The following LRRN3 variants were observed in gnomAD, a reference collection of about 807,000 sequenced individuals.
LRRN3 encodes the protein leucine-rich repeat neuronal protein 3.
A neutral mutation model predicts 40.1 loss-of-function variants in LRRN3; 15 were observed. The ratio of observed to expected loss-of-function variants is 0.37; its 90% CI spans 0.25 to 0.58. The LOEUF (loss-of-function observed/expected upper bound fraction) is 0.58, where lower values mean the gene tolerates loss of function less well. LRRN3 is among the 20% of genes least tolerant of loss of function. The pLI, the probability that LRRN3 is intolerant of heterozygous loss-of-function variation, is 0.72. For synonymous variants in LRRN3, 308 were observed against 297.2 expected, an observed-to-expected ratio of 1.04 and a Z score of -0.37; for missense variants, 746 against 837.7, an observed-to-expected ratio of 0.89 and a Z score of 1.35.
intron 1 of LRRN3, among the ~76,000 whole-genome samples, chr7:111,094,835 C>T (rs1797238003): frequency 6.6e-6 from 1 of 151,908 alleles, no homozygotes; most frequent in African/African-American, 2.4e-5. Context: ...GTAGCTGGTG[C>T]CAGAGGATGG....
At chr7:111,120,336 C>T (rs1049564558) in intron 2 of LRRN3, among the ~76,000 whole-genome samples, 2 of 152,118 alleles carry the variant, frequency 1.3e-5, no homozygotes, top group Non-Finnish European at 2.9e-5. Flanking sequence ...TGGCAAAAGG[C>T]ACATCTTACA....
At chr7:111,101,559 C>T (rs1797978177) in intron 2 of LRRN3, among the ~76,000 whole-genome samples, 2 of 151,258 alleles carry the variant, frequency 1.3e-5, no homozygotes, top group African/African-American at 2.4e-5. Flanking sequence ...AAAAAAATTA[C>T]TTGAGACAAT....
At chr7:111,111,686 A>G (rs941940300) in intron 2 of LRRN3, among the ~76,000 whole-genome samples, 1 of 151,976 alleles carries the variant, frequency 6.6e-6, no homozygotes, top group African/African-American at 2.4e-5. Context: ...GTAATTTTAA[A>G]TGAATTCAAG....
At position 111,103,562 on chromosome 7, in the gene LRRN3, G is replaced by A. The variant is rs1798213363; in HGVS notation, c.-359+3600G>A. 2.6e-5 allele frequency among the ~76,000 whole-genome samples: 4 copies of A among 151,496 alleles called. No individual in the cohort carries two copies. The Admixed American group carries it at 2.6e-4, about 10-fold the overall frequency. On this transcript the variant is annotated intron_variant, in intron 2 of 2. Transcript: ENST00000308478. The stretch of plus-strand genomic sequence containing the variant: ...ATTCTACAACCTTTTATGATAATCA[G>A]AGCCAAATGACATTTAAGTAGTTCT...
At position 111,124,964 on chromosome 7, in the gene LRRN3, G is replaced by A; in HGVS notation, c.*65G>A. 3.5e-6 allele frequency: 4 copies of A among 1,133,404 alleles called. No homozygotes were observed. The highest frequency in any genetic ancestry group is 1.6e-5 in the South Asian group (1 of 60,704). 70.2% of individuals were successfully genotyped at this position (1,133,404 alleles called of 1,614,324 possible). On this transcript the variant is annotated 3_prime_UTR_variant, in exon 3 of 3. Transcript: ENST00000308478. ...AAAAAAAGCGAAAGACTGCAGTTGTGCTAAAAACAAAACAAAACAAACAAA... is the reference window on the plus strand; with the variant it reads ...AAAAAAAGCGAAAGACTGCAGTTGTACTAAAAACAAAACAAAACAAACAAA...
At position 111,124,793 on chromosome 7, in the gene LRRN3, G is replaced by A. The variant is rs754299804; in HGVS notation, c.2021G>A (p.Gly674Asp). Residue 674 changes from glycine (G) to aspartate (D), a missense_variant, in exon 3 of 3, where the codon GGT becomes GAT. Transcript: ENST00000308478. ...NYLQKPTFAL[G>D]ELYPPLINLW... ...TTACAGAAACCAACCTTTGCATTAG[G>A]TGAGCTTTATCCTCCTCTGATAAAT... The A allele has an allele frequency of 1.1e-5, 17 of 1,613,344 alleles. No individual in the cohort carries two copies. The highest frequency in any genetic ancestry group is 1.4e-5 in the Non-Finnish European group (16 of 1,179,886).
intron 1 of LRRN3, among the ~76,000 whole-genome samples, chr7:111,092,437 C>T (rs1029563188): frequency 2.0e-5 from 3 of 152,180 alleles, no homozygotes; most frequent in African/African-American, 7.2e-5. Flanking sequence ...CCTTGTTTCT[C>T]TGCCTCTAAT....
intron 2 of LRRN3, among the ~76,000 whole-genome samples, chr7:111,110,828 T>A (rs979802733): frequency 6.6e-6 from 1 of 152,284 alleles, no homozygotes; most frequent in East Asian, 1.9e-4. Flanking sequence ...ACAGTAAAGT[T>A]AGGTGAATGT....
intron 2 of LRRN3, among the ~76,000 whole-genome samples, chr7:111,104,848 G>A (rs1052584343): frequency 6.6e-6 from 1 of 151,748 alleles, no homozygotes. Context: ...GAACGAGAGG[G>A]TCATGGCTTC....
chr7:111,111,391 A>C (rs1188091260), intron 2 of LRRN3, among the ~76,000 whole-genome samples: 1 of 149,386 alleles, frequency 6.7e-6, no homozygotes, highest in Non-Finnish European at 1.5e-5. Flanking sequence ...CACAAATTAC[A>C]CTGCTTTCCA....
At chr7:111,097,474 G>C (rs560121843) in intron 1 of LRRN3, among the ~76,000 whole-genome samples, 1 of 151,700 alleles carries the variant, frequency 6.6e-6, no homozygotes, top group Non-Finnish European at 1.5e-5. Context: ...TATTTTAGAG[G>C]ATTCATTCCT....
intron 2 of LRRN3, among the ~76,000 whole-genome samples, chr7:111,109,661 A>C (rs775008976): frequency 3.9e-5 from 6 of 152,214 alleles, no homozygotes; most frequent in Admixed American, 6.5e-5. Context: ...TATCACCTGT[A>C]AAGTGGGTAT....
intron 2 of LRRN3, among the ~76,000 whole-genome samples, chr7:111,120,969 T>G (rs893819964): frequency 1.0e-4 from 15 of 150,612 alleles, no homozygotes; most frequent in Non-Finnish European, 2.1e-4. Flanking sequence ...GTTGAAAGAT[T>G]TAAAAGTTGT....
chr7:111,104,604 A>G (rs1047776385), intron 2 of LRRN3, among the ~76,000 whole-genome samples: 1 of 151,792 alleles, frequency 6.6e-6, no homozygotes, highest in African/African-American at 2.4e-5. Flanking sequence ...AAGTCTCATC[A>G]TTAATCCCCC....
At chr7:111,109,053 T>C (rs1299587210) in intron 2 of LRRN3, among the ~76,000 whole-genome samples, 2 of 152,178 alleles carry the variant, frequency 1.3e-5, no homozygotes, top group African/African-American at 4.8e-5. Flanking sequence ...CAGTCTTAAA[T>C]GATCTATAAA....
At chr7:111,109,242 C>T (rs374733881) in intron 2 of LRRN3, among the ~76,000 whole-genome samples, 1 of 151,768 alleles carries the variant, frequency 6.6e-6, no homozygotes, top group South Asian at 2.1e-4. Context: ...AAACCATTAA[C>T]TTTCCTTCCA....
chr7:111,116,887 A>G (rs914576445), intron 2 of LRRN3, among the ~76,000 whole-genome samples: 8 of 152,172 alleles, frequency 5.3e-5, no homozygotes, highest in Non-Finnish European at 7.4e-5. Context: ...GAGAGAAAGT[A>G]GAACTTAGTG....
chr7:111,111,093 T>G (rs1423136004), intron 2 of LRRN3, among the ~76,000 whole-genome samples: 1 of 152,150 alleles, frequency 6.6e-6, no homozygotes, highest in Non-Finnish European at 1.5e-5. Flanking sequence ...AACAGGTGAT[T>G]TGTCACTTAG....
intron 2 of LRRN3, among the ~76,000 whole-genome samples, chr7:111,117,678 A>G (rs1800052374): frequency 6.6e-6 from 1 of 152,122 alleles, no homozygotes; most frequent in South Asian, 2.1e-4. Flanking sequence ...TTAGAACTAA[A>G]GAAAGATCAA....
Sources: gnomAD v4.1 joint callset for allele counts (sites outside exome capture counted in the v4.1 genomes callset) on GRCh38, gnomAD v4.1.1 for gene constraint, MANE v1.5 for transcripts, NCBI Gene and HGNC (gene_info 2026-07-23, HGNC 2026-07-21) for gene names.